ASB3: variants seen among roughly 807,000 people sequenced by gnomAD.
ASB3 encodes the protein ankyrin repeat and SOCS box protein 3.
A neutral mutation model predicts 54.5 loss-of-function variants in ASB3; 41 were observed. The observed-to-expected ratio is 0.75, with a 90% confidence interval of 0.59 to 0.98. The LOEUF is 0.98. ASB3 is among the 50% of genes least tolerant of loss of function. ASB3 has a pLI of 0.00. For missense variants in ASB3, 733 were observed against 620.0 expected (o/e 1.18, Z -1.94); for synonymous variants, 266 against 221.2 (o/e 1.20, Z -1.80).
intron 3 of ASB3, among the ~76,000 whole-genome samples, chr2:53,749,923 T>C (rs1415817603): frequency 1.3e-5 from 2 of 152,072 alleles, no homozygotes; most frequent in Non-Finnish European, 2.9e-5. Context: ...GAATGAATTT[T>C]ACTAAAGTAC....
intron 1 of ASB3, chr2:53,774,241 A>G: frequency 2.5e-6 from 4 of 1,614,158 alleles, no homozygotes; most frequent in Non-Finnish European, 3.4e-6. Context: ...CAGAACCACA[A>G]CAGTCATTTT....
At chr2:53,758,689 C>T (rs1400054666) in intron 2 of ASB3, among the ~76,000 whole-genome samples, 5 of 152,068 alleles carry the variant, frequency 3.3e-5, no homozygotes, top group East Asian at 1.9e-4. Context: ...GTAACTAATC[C>T]GATAAGCAGA....
intron 3 of ASB3, among the ~76,000 whole-genome samples, chr2:53,749,594 C>G (rs1301311918): frequency 6.6e-6 from 1 of 152,008 alleles, no homozygotes; most frequent in Non-Finnish European, 1.5e-5. Flanking sequence ...TCTATTTAAT[C>G]ACATCTATTT....
intron 5 of ASB3, among the ~76,000 whole-genome samples, chr2:53,727,881 A>T (rs1308568300): frequency 6.6e-6 from 1 of 151,994 alleles, no homozygotes; most frequent in Non-Finnish European, 1.5e-5. Context: ...ACATGCCACC[A>T]TGCCCAGCTA....
intron 3 of ASB3, among the ~76,000 whole-genome samples, chr2:53,736,952 C>T (rs551581290): frequency 1.3e-5 from 2 of 152,186 alleles, no homozygotes; most frequent in South Asian, 4.2e-4. Context: ...CAACAGCACT[C>T]CAGCCTAGGC....
chr2:53,733,769 GAC>G (rs1242494959), intron 3 of ASB3, among the ~76,000 whole-genome samples: 1 of 152,204 alleles, frequency 6.6e-6, no homozygotes, highest in Admixed American at 6.5e-5. Flanking sequence ...AGGAATTAAA[GAC>G]ACACACAGAG....
intron 3 of ASB3, among the ~76,000 whole-genome samples, chr2:53,737,423 T>C (rs1421442319): frequency 2.0e-5 from 3 of 150,260 alleles, no homozygotes; most frequent in African/African-American, 4.9e-5. Flanking sequence ...GAAGAGTGAA[T>C]TGTGCAGACA....
At chr2:53,698,260 C>T (rs1290057736) in intron 8 of ASB3, among the ~76,000 whole-genome samples, 3 of 152,166 alleles carry the variant, frequency 2.0e-5, no homozygotes, top group African/African-American at 7.2e-5. Flanking sequence ...GAGGGACAGC[C>T]TCAAAGATCT....
At position 53,786,867 on chromosome 2, in the gene ASB3, G is replaced by A; in HGVS notation, c.-60C>T. 7.6e-6 allele frequency: 2 copies of A among 261,546 alleles called. No individual in the cohort carries two copies. Among genetic ancestry groups the A allele is most frequent in the Non-Finnish European group, 1.5e-5 (2 of 137,850 alleles). 16.2% of individuals were successfully genotyped at this position (261,546 alleles called of 1,614,324 possible). ...ACCGAAATGGCTGGTCCGAGGCCGC[G>A]TCTCCAGAGCTGCGTCCCAGAAGCC... On this transcript the variant is annotated 5_prime_UTR_variant, in exon 1 of 10. The change creates a new upstream start codon in the 5' untranslated region. Coordinates refer to ENST00000263634, the MANE Select transcript of ASB3 (RefSeq NM_016115.5).
intron 2 of ASB3, among the ~76,000 whole-genome samples, chr2:53,755,954 A>G (rs1672790392): frequency 6.6e-6 from 1 of 151,426 alleles, no homozygotes. Flanking sequence ...GAGTTTTGAG[A>G]CCAACCTGGA....
chr2:53,735,612 C>T (rs1213425063), intron 3 of ASB3, among the ~76,000 whole-genome samples: 9 of 151,324 alleles, frequency 5.9e-5, no homozygotes, highest in African/African-American at 2.2e-4. Flanking sequence ...CCCAAAGGTG[C>T]TACAGGTATT....
chr2:53,705,618 C>T (rs1309412124), intron 7 of ASB3, among the ~76,000 whole-genome samples: 1 of 152,068 alleles, frequency 6.6e-6, no homozygotes. Context: ...ATATCTTTAT[C>T]CAATAATAGG....
At chr2:53,755,270 G>A (rs1057431246) in intron 2 of ASB3, among the ~76,000 whole-genome samples, 1 of 152,034 alleles carries the variant, frequency 6.6e-6, no homozygotes, top group Non-Finnish European at 1.5e-5. Context: ...GACAAGAGTT[G>A]GCCCAAACAC....
chr2:53,701,077 G>T (rs757621201), intron 7 of ASB3, among the ~76,000 whole-genome samples: 8 of 152,246 alleles, frequency 5.3e-5, no homozygotes, highest in Middle Eastern at 3.4e-3. Context: ...GGGCTCCAGT[G>T]ATCCGCCCAC....
chr2:53,681,415 C>T (rs1200105968), intron 9 of ASB3, among the ~76,000 whole-genome samples: 1 of 152,128 alleles, frequency 6.6e-6, no homozygotes, highest in Non-Finnish European at 1.5e-5. Context: ...GTTGCCTGTG[C>T]TTGTGGGGTA....
chr2:53,707,471 CAT>C (rs566818018), intron 7 of ASB3, among the ~76,000 whole-genome samples: 1 of 151,734 alleles, frequency 6.6e-6, no homozygotes, highest in Non-Finnish European at 1.5e-5. Context: ...GGTGAAACCC[CAT>C]CTCTACTAAA....
At chr2:53,687,749 G>C (rs1265607446) in intron 9 of ASB3, among the ~76,000 whole-genome samples, 1 of 152,170 alleles carries the variant, frequency 6.6e-6, no homozygotes. Flanking sequence ...CAAGTGGTGA[G>C]TTATTGCACC....
At chr2:53,742,461 T>C (rs552890037) in intron 3 of ASB3, among the ~76,000 whole-genome samples, 1 of 151,982 alleles carries the variant, frequency 6.6e-6, no homozygotes, top group African/African-American at 2.4e-5. Flanking sequence ...AAACCTCTCA[T>C]CTGAAAAATA....
intron 3 of ASB3, among the ~76,000 whole-genome samples, chr2:53,739,157 A>T (rs1183570201): frequency 6.6e-6 from 1 of 152,214 alleles, no homozygotes; most frequent in Non-Finnish European, 1.5e-5. Context: ...CCATTTCCTA[A>T]ATTAGAGGAA....
Sources: allele counts gnomAD v4.1 joint callset (sites outside exome capture counted in the v4.1 genomes callset), GRCh38; gene constraint gnomAD v4.1.1; transcripts MANE v1.5; gene names NCBI Gene and HGNC (gene_info 2026-07-23, HGNC 2026-07-21).